The following MVD variants were observed in gnomAD, a reference collection of about 807,000 sequenced individuals.
MVD encodes the protein diphosphomevalonate decarboxylase.
MVD carries 52 observed loss-of-function variants against 42.4 expected under a neutral mutation model. That is an observed-to-expected ratio of 1.23 (90% CI 0.98 to 1.55). The LOEUF (loss-of-function observed/expected upper bound fraction) is 1.55, where lower values mean the gene tolerates loss of function less well. Among genes scored for constraint, MVD ranks in the 40% most tolerant of loss-of-function variants. MVD has a pLI of 0.00. For missense variants in MVD, 663 were observed against 572.1 expected (o/e 1.16, Z -1.62); for synonymous variants, 287 against 243.2 (o/e 1.18, Z -1.68).
At chr16:88,660,580 G>C (rs1457627718) in intron 1 of MVD, 1 of 152,054 alleles carries the variant, frequency 6.6e-6, no homozygotes, top group Non-Finnish European at 1.5e-5. Flanking sequence ...GGGAAGCGGA[G>C]GTTGCAGTGA....
rs143974678 is a variant in MVD, at chr16:88,652,841, A to T, written c.1123-236T>A. On this transcript the variant is annotated intron_variant, in intron 9 of 9. Transcript: ENST00000301012. ...ACTGCTTCTGTCACAGGGGGGACAG[A>T]GAACCACAGAGCCTGGGAACAGGCA... Among the ~76,000 whole-genome samples, 21 of 152,300 alleles carry T rather than the reference A, an allele frequency of 1.4e-4. No individual in the cohort carries two copies. The South Asian group carries it at 3.9e-3, about 29-fold the overall frequency.
intron 8 of MVD, among the ~76,000 whole-genome samples, chr16:88,653,971 C>T (rs141277971): frequency 6.1e-4 from 93 of 152,248 alleles, no homozygotes; most frequent in Middle Eastern, 6.8e-3. Context: ...CATCCCCACA[C>T]GCTTCCAGAC....
At chr16:88,655,930 C>T (rs565090590) in intron 5 of MVD, 175 bp downstream of exon 5, 48 of 1,125,048 alleles carry the variant, frequency 4.3e-5, no homozygotes, top group Non-Finnish European at 5.9e-5. Context: ...GTGGTGGCGC[C>T]CGCCGCATGG....
intron 4 of MVD, 127 bp from the exon 5 acceptor site, chr16:88,656,431 G>T: frequency 1.9e-6 from 2 of 1,028,254 alleles, no homozygotes; most frequent in Non-Finnish European, 1.4e-6. Flanking sequence ...GGGCTTCTGG[G>T]CCATCAGCCT....
chr16:88,654,967 A>T, intron 7 of MVD, 160 bp from the exon 8 acceptor site: 1 of 853,314 alleles, frequency 1.2e-6, no homozygotes, highest in Non-Finnish European at 1.8e-6. Context: ...CTGGTACTTG[A>T]CACGTCTGCC....
At chr16:88,652,647 G>A (rs986516598) in intron 9 of MVD, 42 bp from the exon 10 acceptor site, 50 of 1,514,218 alleles carry the variant, frequency 3.3e-5, no homozygotes, top group Middle Eastern at 1.7e-4. Context: ...GAATGGCAGC[G>A]CCTCATCCTG....
Position 88,658,640 on chromosome 16 carries a change from C to T in MVD, c.141+10G>A. On this transcript the variant is annotated intron_variant, in intron 2 of 9. Coordinates refer to ENST00000301012, the MANE Select transcript of MVD (RefSeq NM_002461.3). ...GGCACTGTGGTGTTTAGTCGTCAGT[C>T]CACACATACCTGGTCCTGGTGCAGA... 1 of 1,613,076 alleles carries T rather than the reference C, an allele frequency of 6.2e-7. No homozygotes were observed.
Position 88,656,177 on chromosome 16 carries a change from G to A in MVD, c.531C>T (p.Asp177=), listed in dbSNP as rs767921379. The A allele has an allele frequency of 1.9e-5, 30 of 1,601,782 alleles. No homozygotes were observed. The highest frequency in any genetic ancestry group is 1.1e-4 in the African/African-American group (8 of 74,904). Residue 177 remains aspartate, a synonymous_variant, in exon 5 of 10, where the codon GAC becomes GAT. Transcript: ENST00000301012. ...FVEWQMGEQA[D]GKDSIARQVA... ...CTTGCCGAGCGATGCTGTCCTTCCC[G>A]TCGGCCTGCTCTCCCATCTGCCACT...
chr16:88,658,090 AC>A, intron 2 of MVD, 61 bp from the exon 3 acceptor site: 1 of 1,510,086 alleles, frequency 6.6e-7, no homozygotes, highest in South Asian at 1.1e-5. Flanking sequence ...CCAGCCAGGT[AC>A]CCCTTTCTAC....
chr16:88,658,890 G>A, intron 1 of MVD, 170 bp from the exon 2 acceptor site: 1 of 618,260 alleles, frequency 1.6e-6, no homozygotes, highest in Non-Finnish European at 2.9e-6. Context: ...TGCAAGAACT[G>A]CTCCCACCCC....
At chr16:88,660,079 T>G (rs1025465662) in intron 1 of MVD, among the ~76,000 whole-genome samples, 1 of 151,856 alleles carries the variant, frequency 6.6e-6, no homozygotes, top group African/African-American at 2.4e-5. Context: ...GTGGGGACTT[T>G]CACCTCCCCA....
At chr16:88,660,281 C>T (rs1411277338) in intron 1 of MVD, among the ~76,000 whole-genome samples, 1 of 152,200 alleles carries the variant, frequency 6.6e-6, no homozygotes, top group Admixed American at 6.5e-5. Context: ...TATCAAAAAC[C>T]AGCTCAAACG....
chr16:88,654,738 C>T lies in MVD; in HGVS notation c.967G>A (p.Val323Met). 6.2e-7 allele frequency: 1 copy of T among 1,603,852 alleles called. No homozygotes were observed. The highest frequency in any genetic ancestry group is 8.5e-7 in the Non-Finnish European group (1 of 1,176,782). ...FTLDDTVAEF[V>M]AAVWHGFPPG... is the part of the protein sequence containing the mutation. ...GGAAAGCCGTGCCACACAGCAGCCA[C>T]AAACTCAGCCACAGTGTCGTCCAGG... Residue 323 changes from valine (V) to methionine (M), a missense_variant, in exon 8 of 10, where the codon GTG becomes ATG. Coordinates refer to ENST00000301012, the MANE Select transcript of MVD (RefSeq NM_002461.3).
intron 1 of MVD, chr16:88,662,648 C>T (rs1908380223): frequency 4.0e-6 from 5 of 1,253,364 alleles, no homozygotes; most frequent in Non-Finnish European, 5.1e-6. Context: ...CTCTGGCCAT[C>T]CTCCCGCCTC....
At chr16:88,662,596 CA>C in intron 1 of MVD, 1 of 970,474 alleles carries the variant, frequency 1.0e-6, no homozygotes, top group Non-Finnish European at 1.3e-6. Flanking sequence ...GCTGGGGGAG[CA>C]GTGGCGCGAT....
At position 88,662,584 on chromosome 16, in the gene MVD, G is replaced by A. The variant is rs117496724; in HGVS notation, c.70+427C>T. The stretch of plus-strand genomic sequence containing the variant: ...GGGCGAGGGAGGGACACAGGGTCTC[G>A]GGCTGGGGGAGCAGTGGCGCGATTT... On this transcript the variant is annotated intron_variant, in intron 1 of 9. Coordinates refer to ENST00000301012, the MANE Select transcript of MVD (RefSeq NM_002461.3). The A allele has an allele frequency of 4.5e-4, 405 of 908,770 alleles. 5 individuals carry two copies. The East Asian group carries it at 0.017, about 38-fold the overall frequency. The allele number at this position is 908,770 out of a possible 1,614,324, so 56.3% of individuals were successfully genotyped here.
chr16:88,657,468 A>T lies in MVD; in HGVS notation c.371T>A (p.Leu124Gln). 6.2e-7 allele frequency: 1 copy of T among 1,611,898 alleles called. No individual in the cohort carries two copies. Residue 124 changes from leucine to glutamine, a missense_variant, in exon 4 of 10, where the codon CTG becomes CAG. Physicochemically the swap from Leu to Gln is moderately radical, Grantham distance 113 (BLOSUM62 -2). Coordinates refer to ENST00000301012, the MANE Select transcript of MVD (RefSeq NM_002461.3). Reference protein sequence around the residue: ...SVNNFPTAAGLASSAAGYACL... With the variant: ...SVNNFPTAAGQASSAAGYACL... The stretch of plus-strand genomic sequence containing the variant: ...GGCATAGCCCGCCGCTGAGGAGGCC[A>T]GGCCCGCAGCCGTGGGGAAGTTGTT...
At position 88,655,661 on chromosome 16, in the gene MVD, G is replaced by C. The variant is rs763691040; in HGVS notation, c.673C>G (p.Leu225Val). The C allele has an allele frequency of 1.8e-5, 28 of 1,553,800 alleles. No homozygotes were observed. The South Asian group carries it at 3.3e-4, about 18-fold the overall frequency. ...MRASVETSPL[L>V]RFRAESVVPA... ...CCACCCGCTCCTGGCCTTACCCGAA[G>C]CAGGGGGCTGGTCTCCACACTGGCC... The change falls in exon 6 of 10, where the codon CTT becomes GTT. Residue 225 changes from leucine to valine, a missense_variant. Transcript: ENST00000301012.
In MVD at chr16:88,657,523, G is replaced by C; in HGVS notation, c.316C>G (p.Leu106Val). The change falls in exon 4 of 10, where the codon CTC (leucine) becomes GTC (valine). Residue 106 changes from leucine (L) to valine (V), a missense_variant. Transcript: ENST00000301012. The stretch of plus-strand genomic sequence containing the variant: ...GATGCCACGTGCACCTTGCAGCTGA[G>C]GCTGGAGGGCAGCGGGTCCCCATCC... ...SRDGDPLPSS[L>V]SCKVHVASVN... 6.2e-7 allele frequency: 1 copy of C among 1,612,832 alleles called. No individual in the cohort carries two copies.
Sources: allele counts gnomAD v4.1 joint callset (sites outside exome capture counted in the v4.1 genomes callset), GRCh38; gene constraint gnomAD v4.1.1; transcripts MANE v1.5; gene names NCBI Gene and HGNC (gene_info 2026-07-23, HGNC 2026-07-21).